The following PCDHA7 variants were observed in gnomAD, a reference collection of about 807,000 sequenced individuals.
The protein encoded by PCDHA7 is protocadherin alpha-7.
PCDHA7 carries 37 observed loss-of-function variants against 57.2 expected under a neutral mutation model. That is an observed-to-expected ratio of 0.65 (90% confidence interval 0.50 to 0.85). PCDHA7 has a LOEUF of 0.85. PCDHA7 is among the 40% of genes least tolerant of loss of function. The pLI, the probability that PCDHA7 is intolerant of heterozygous loss-of-function variation, is 0.00. For missense variants in PCDHA7, 1,188 were observed against 1,241.8 expected, an observed-to-expected ratio of 0.96 and a Z score of 0.65; for synonymous variants, 553 against 558.8, an observed-to-expected ratio of 0.99 and a Z score of 0.15.
intron 1 of PCDHA7, chr5:140,876,526 G>T: frequency 6.2e-7 from 1 of 1,614,164 alleles, no homozygotes; most frequent in Non-Finnish European, 8.5e-7. Context: ...TGAAGTAATG[G>T]TTACTTCACT....
intron 3 of PCDHA7, among the ~76,000 whole-genome samples, chr5:141,005,737 G>GATGAGAA (rs1365089563): frequency 2.8e-5 from 4 of 143,576 alleles, no homozygotes; most frequent in Non-Finnish European, 6.0e-5. Context: ...AAAAAGAATG[G>GATGAGAA]ATGAGAAATC....
chr5:140,922,207 T>C (rs1208986922), intron 1 of PCDHA7, among the ~76,000 whole-genome samples: 3 of 152,162 alleles, frequency 2.0e-5, no homozygotes, highest in Non-Finnish European at 2.9e-5. Context: ...AATGAAACTT[T>C]GTAAAACATT....
intron 1 of PCDHA7, chr5:140,842,442 T>G (rs1777952178): frequency 1.2e-6 from 2 of 1,613,802 alleles, no homozygotes; most frequent in Non-Finnish European, 1.7e-6. Flanking sequence ...CTAATTAGCG[T>G]GAACGACCTC....
chr5:140,843,884 A>G, intron 1 of PCDHA7: 1 of 710,520 alleles, frequency 1.4e-6, no homozygotes, highest in South Asian at 2.0e-5. Flanking sequence ...GGCATAATAC[A>G]GTATTAATCA....
intron 1 of PCDHA7, among the ~76,000 whole-genome samples, chr5:140,890,921 T>G (rs1165166836): frequency 6.6e-6 from 1 of 152,222 alleles, no homozygotes; most frequent in Non-Finnish European, 1.5e-5. Flanking sequence ...ATTTGAGAGT[T>G]TCCTTTAGTC....
At chr5:140,845,952 T>C (rs1262858595) in intron 1 of PCDHA7, among the ~76,000 whole-genome samples, 2 of 149,750 alleles carry the variant, frequency 1.3e-5, no homozygotes, top group Non-Finnish European at 3.0e-5. Context: ...AGTCATTTTT[T>C]AGATTAACCT....
intron 1 of PCDHA7, chr5:140,857,722 C>T (rs371525843): frequency 4.4e-6 from 7 of 1,597,318 alleles, no homozygotes; most frequent in African/African-American, 2.7e-5. Flanking sequence ...TGGACGAGAA[C>T]GACAACGCTC....
chr5:140,970,248 A>G (rs1385121881), intron 1 of PCDHA7, among the ~76,000 whole-genome samples: 1 of 152,142 alleles, frequency 6.6e-6, no homozygotes, highest in Non-Finnish European at 1.5e-5. Context: ...TTCTGTTGAC[A>G]GTTTCTATGG....
At chr5:140,861,503 C>A in intron 1 of PCDHA7, 1 of 478,536 alleles carries the variant, frequency 2.1e-6, no homozygotes, top group Non-Finnish European at 4.3e-6. Context: ...TGATAGACCT[C>A]GAGGAGCTGT....
chr5:140,900,683 T>C (rs144072569), intron 1 of PCDHA7, among the ~76,000 whole-genome samples: 52 of 152,340 alleles, frequency 3.4e-4, no homozygotes, highest in African/African-American at 9.9e-4. Context: ...ATCTCTTCAA[T>C]ATACTGATTT....
chr5:140,882,119 T>C, intron 1 of PCDHA7: 1 of 1,438,056 alleles, frequency 7.0e-7, no homozygotes, highest in South Asian at 1.4e-5. Context: ...AGCCGCCGTT[T>C]CTTTCTTCCT....
chr5:140,927,526 G>A, intron 1 of PCDHA7: 1 of 1,614,086 alleles, frequency 6.2e-7, no homozygotes, highest in South Asian at 1.1e-5. Flanking sequence ...CGGGCTACCT[G>A]CCCGCTCAGG....
chr5:140,915,363 G>C (rs1554196864), intron 1 of PCDHA7, among the ~76,000 whole-genome samples: 1 of 152,136 alleles, frequency 6.6e-6, no homozygotes, highest in Non-Finnish European at 1.5e-5. Context: ...ATTCTTACCA[G>C]TAAGTGTCTC....
intron 1 of PCDHA7, among the ~76,000 whole-genome samples, chr5:140,918,114 G>C (rs989175486): frequency 5.8e-4 from 89 of 152,144 alleles, no homozygotes; most frequent in African/African-American, 2.1e-3. Flanking sequence ...TCACATCCTT[G>C]ATTAGCCATA....
At chr5:140,876,928 A>C in intron 1 of PCDHA7, 1 of 1,613,812 alleles carries the variant, frequency 6.2e-7, no homozygotes, top group Non-Finnish European at 8.5e-7. Flanking sequence ...GGACGCGCAG[A>C]AGAACGCGCT....
chr5:140,999,032 C>T (rs2097843779), intron 3 of PCDHA7, among the ~76,000 whole-genome samples: 1 of 152,236 alleles, frequency 6.6e-6, no homozygotes, highest in South Asian at 2.1e-4. Flanking sequence ...TTTGATACTT[C>T]GTCCAGTGTG....
chr5:140,870,595 T>C, intron 1 of PCDHA7: 3 of 1,613,242 alleles, frequency 1.9e-6, no homozygotes, highest in Non-Finnish European at 2.5e-6. Flanking sequence ...GGAGCGGCGG[T>C]TGGGCGACCG....
At chr5:140,894,947 A>G (rs1257936552) in intron 1 of PCDHA7, among the ~76,000 whole-genome samples, 1 of 152,178 alleles carries the variant, frequency 6.6e-6, no homozygotes, top group Non-Finnish European at 1.5e-5. Flanking sequence ...TTGTCATGAA[A>G]TGATAAAAAT....
chr5:140,899,717 C>T (rs2153464993), intron 1 of PCDHA7, among the ~76,000 whole-genome samples: 1 of 152,322 alleles, frequency 6.6e-6, no homozygotes, highest in South Asian at 2.1e-4. Context: ...GGAGGATTCC[C>T]TCTTTTTCTA....
Sources: gnomAD v4.1 joint callset for allele counts (sites outside exome capture counted in the v4.1 genomes callset) on GRCh38, gnomAD v4.1.1 for gene constraint, MANE v1.5 for transcripts, NCBI Gene and HGNC (gene_info 2026-07-23, HGNC 2026-07-21) for gene names.